DENND4B: variants seen among roughly 807,000 people sequenced by gnomAD.
DENND4B encodes the protein DENN domain containing 4B, also known as DENN domain-containing protein 4B.
A neutral mutation model predicts 161.0 loss-of-function variants in DENND4B; 67 were observed. That is an observed-to-expected ratio of 0.42 (90% CI 0.34 to 0.51). DENND4B has a LOEUF of 0.51. Among genes scored for constraint, DENND4B ranks in the 20% least tolerant of loss-of-function variants. The probability of loss-of-function intolerance (pLI) is 0.08; values close to 1 mark genes in which losing one functional copy is unlikely to be tolerated. For synonymous variants in DENND4B, 753 were observed against 813.8 expected (o/e 0.93, Z 1.27); for missense variants, 1,481 against 1,968.0 (o/e 0.75, Z 4.68).
At position 153,942,203 on chromosome 1, in the gene DENND4B, C is replaced by G. The variant is rs1221267606; in HGVS notation, c.794G>C (p.Gly265Ala). 1 of 1,614,000 alleles carries G rather than the reference C, an allele frequency of 6.2e-7. No individual in the cohort carries two copies. The highest frequency in any genetic ancestry group is 1.7e-5 in the Admixed American group (1 of 60,024). ...VPVFSTFVLT[G>A]AAGDKVYGAA... ...CACACCCACCTTATCACCAGCTGCA[C>G]CCGTGAGCACAAAGGTGGAGAAGAC... The change falls in exon 5 of 28, where the codon GGT (glycine) becomes GCT (alanine). Residue 265 changes from glycine to alanine, a missense_variant. Coordinates refer to ENST00000361217, the MANE Select transcript of DENND4B (RefSeq NM_014856.3). The surrounding 1 kb of genome is among the most constrained non-coding windows in gnomAD (Gnocchi z 6.9).
In DENND4B at chr1:153,933,256, G is replaced by C. The variant is rs778415504; in HGVS notation, c.3394C>G (p.Arg1132Gly). The C allele has an allele frequency of 6.2e-7, 1 of 1,613,126 alleles. No homozygotes were observed. ...TCACTGAGGCGCTCTGAGGAACGGC[G>C]AAGACTCAGGTTGCTGAGAGAAGAT... ...SESSLSNLSL[R>G]RSSERLSDTP... The change falls in exon 21 of 28, where the codon CGC becomes GGC. Residue 1132 changes from arginine (R) to glycine (G), a missense_variant. This residue lies in a region of DENND4B where 336 missense variants were observed against 503.3 expected (regional missense o/e 0.67). Coordinates refer to ENST00000361217, the MANE Select transcript of DENND4B (RefSeq NM_014856.3). The surrounding 1 kb of genome is among the most constrained non-coding windows in gnomAD (Gnocchi z 5.7).
Position 153,934,852 on chromosome 1 carries a change from C to G in DENND4B, c.2681G>C (p.Arg894Pro). The part of the protein sequence containing the change: ...AAQFRQPLRE[R>P]QQQQQQQQQQ... ...CTGTTGCTGCTGCTGCTGCTGTTGC[C>G]GTTCTCTCAAGGGCTGGCGGAACTG... is the stretch of plus-strand genomic sequence containing the variant. Residue 894 changes from arginine to proline, a missense_variant, in exon 18 of 28, where the codon CGG (arginine) becomes CCG (proline). Physicochemically the swap from Arg to Pro is moderately radical, Grantham distance 103. Around this residue, in one of 3 missense-constraint regions of DENND4B, gnomAD observed 339 missense variants for 330.3 expected, o/e 1.03. Transcript: ENST00000361217. This position sits in a 1 kb window ranked among gnomAD's most constrained non-coding sequence, Gnocchi z 5.3. 1.2e-6 allele frequency: 2 copies of G among 1,612,102 alleles called. No homozygotes were observed. Among genetic ancestry groups the G allele is most frequent in the Non-Finnish European group, 1.7e-6 (2 of 1,179,334 alleles).
rs1679358101 is a variant in DENND4B, at chr1:153,936,686, C to T, written c.2295G>A (p.Arg765=). Residue 765 remains arginine, a synonymous_variant, in exon 16 of 28, where the codon CGG becomes CGA. Coordinates refer to ENST00000361217, the MANE Select transcript of DENND4B (RefSeq NM_014856.3). The surrounding 1 kb of genome is among the most constrained non-coding windows in gnomAD (Gnocchi z 4.1). ...KSAAVPELWA[R]CLLGHCYGLW... Reference sequence around the variant, plus strand: ...GCCCATAGCAGTGCCCCAGCAGGCACCGGGCCCACAGCTCAGGCACAGCTG... The same window carrying T: ...GCCCATAGCAGTGCCCCAGCAGGCATCGGGCCCACAGCTCAGGCACAGCTG... 3 of 1,612,424 alleles carry T rather than the reference C, an allele frequency of 1.9e-6. No individual in the cohort carries two copies. The highest frequency in any genetic ancestry group is 2.2e-5 in the East Asian group (1 of 44,872).
chr1:153,930,563 G>GAGC lies in DENND4B; in HGVS notation c.4318_4320dup (p.Ala1440dup). 6.2e-7 allele frequency: 1 copy of GAGC among 1,614,066 alleles called. No individual in the cohort carries two copies. The highest frequency in any genetic ancestry group is 8.5e-7 in the Non-Finnish European group (1 of 1,179,896). On this transcript the variant is annotated inframe_insertion, in exon 27 of 28. Transcript: ENST00000361217. This position sits in a 1 kb window ranked among gnomAD's most constrained non-coding sequence, Gnocchi z 4.7. ...CCTATGTCCACGTGGTCCTTGCCCA[G>GAGC]AGCAGCCATTGTCAGGAATAATATC...
chr1:153,939,066 G>A (rs372332626), intron 12 of DENND4B, 21 bp from the exon 13 acceptor site: 12 of 1,609,528 alleles, frequency 7.5e-6, no homozygotes, highest in East Asian at 2.2e-5. Flanking sequence ...TGAGAATGGG[G>A]CAGAGGAGGG....
chr1:153,942,703 C>A lies in DENND4B; in HGVS notation c.571-78G>T. 1 of 1,489,700 alleles carries A rather than the reference C, an allele frequency of 6.7e-7. No homozygotes were observed. The highest frequency in any genetic ancestry group is 8.9e-7 in the Non-Finnish European group (1 of 1,118,352). The allele number at this position is 1,489,700 out of a possible 1,614,324, so 92.3% of individuals were successfully genotyped here. ...GGGGTCCACTTTCTCTCTACCACCC[C>A]TAAATGTTCTTTTGTCTTTAAAGCT... On this transcript the variant is annotated intron_variant, in intron 3 of 27. Transcript: ENST00000361217. This position sits in a 1 kb window ranked among gnomAD's most constrained non-coding sequence, Gnocchi z 6.9.
chr1:153,943,870 C>A (rs990771005), intron 2 of DENND4B, among the ~76,000 whole-genome samples, 188 bp downstream of exon 2: 5 of 152,226 alleles, frequency 3.3e-5, no homozygotes, highest in African/African-American at 1.2e-4. Flanking sequence ...TAGCAAGGAG[C>A]AGCACTAGCA....
chr1:153,935,773 G>A (rs1223311221), intron 17 of DENND4B: 6 of 350,774 alleles, frequency 1.7e-5, no homozygotes, highest in African/African-American at 6.4e-5. Flanking sequence ...TAGGGCTGTC[G>A]TGAAGATAAA....
In DENND4B at chr1:153,939,036, T is replaced by G. The variant is rs1391773852; in HGVS notation, c.1829A>C (p.Lys610Thr). The stretch of plus-strand genomic sequence containing the variant: ...TTTGTGGCTGGAGCGTTCCCGGGAT[T>G]TGAGGAAGCCTGAGGGGTATGAGAA... ...DNLFFLQGFLKSRERSSHKLY... is the reference protein window; with the variant it reads ...DNLFFLQGFLTSRERSSHKLY... Residue 610 changes from lysine to threonine, a missense_variant, in exon 13 of 28, where the codon AAA (lysine) becomes ACA (threonine). Physicochemically the swap from Lys to Thr is moderately conservative, Grantham distance 78. Transcript: ENST00000361217. 6.2e-7 allele frequency: 1 copy of G among 1,612,000 alleles called. No individual in the cohort carries two copies. The highest frequency in any genetic ancestry group is 1.3e-5 in the African/African-American group (1 of 74,900).
At position 153,930,550 on chromosome 1, in the gene DENND4B, T is replaced by C; in HGVS notation, c.4334A>G (p.His1445Arg). The C allele has an allele frequency of 6.2e-7, 1 of 1,614,052 alleles. No homozygotes were observed. Among genetic ancestry groups the C allele is most frequent in the Non-Finnish European group, 8.5e-7 (1 of 1,179,896 alleles). The part of the protein sequence containing the change: ...FLTMAALGKD[H>R]VDIVAFDKKY... ...GCCTGCAATCTCACCTATGTCCACG[T>C]GGTCCTTGCCCAGAGCAGCCATTGT... Residue 1445 changes from histidine to arginine, a missense_variant, in exon 27 of 28, where the codon CAC becomes CGC. Coordinates refer to ENST00000361217, the MANE Select transcript of DENND4B (RefSeq NM_014856.3). The surrounding 1 kb of genome is among the most constrained non-coding windows in gnomAD (Gnocchi z 4.7).
rs1679184005 is a variant in DENND4B, at chr1:153,934,297, A to AGG, written c.2777_2778dup (p.Tyr927ProfsTer23). 6.3e-7 allele frequency: 1 copy of AGG among 1,585,020 alleles called. No homozygotes were observed. The highest frequency in any genetic ancestry group is 1.4e-5 in the African/African-American group (1 of 73,860). ...CGAGTAGGGGAAGGGCGCTCCAAAT[A>AGG]GGGCTCTGTAAAAGACGAGAAGGGG... On this transcript the variant is annotated frameshift_variant, in exon 19 of 28. Coordinates refer to ENST00000361217, the MANE Select transcript of DENND4B (RefSeq NM_014856.3). LOFTEE classifies it high-confidence loss of function. This position sits in a 1 kb window ranked among gnomAD's most constrained non-coding sequence, Gnocchi z 5.3.
At position 153,939,676 on chromosome 1, in the gene DENND4B, G is replaced by A. The variant is rs1011255914; in HGVS notation, c.1732C>T (p.Leu578Phe). The A allele has an allele frequency of 2.5e-6, 4 of 1,613,856 alleles. No individual in the cohort carries two copies. Among genetic ancestry groups the A allele is most frequent in the South Asian group, 2.2e-5 (2 of 91,088 alleles). ...CGCAGGAAGACCCGGTAGCCCTTGAGCAGACAGGCCATGAAGCGGAGGAAG... is the reference window on the plus strand; with the variant it reads ...CGCAGGAAGACCCGGTAGCCCTTGAACAGACAGGCCATGAAGCGGAGGAAG... ...GAFLRFMACL[L>F]KGYRVFLRPL... Residue 578 changes from leucine to phenylalanine, a missense_variant, in exon 12 of 28, where the codon CTC becomes TTC. By Grantham distance (22) the Leu-to-Phe change is conservative. Coordinates refer to ENST00000361217, the MANE Select transcript of DENND4B (RefSeq NM_014856.3).
Position 153,937,792 on chromosome 1 carries a change from G to C in DENND4B, c.2037C>G (p.Leu679=). Residue 679 remains leucine (L), a synonymous_variant, in exon 14 of 28, where the codon CTC becomes CTG. Transcript: ENST00000361217. This position sits in a 1 kb window ranked among gnomAD's most constrained non-coding sequence, Gnocchi z 4.7. The part of the protein sequence containing the change: ...VELEELSGSE[L]TVFITPPEEP... ...CCTCGGGAGGTGTGATAAAGACAGT[G>C]AGCTCACTTCCTGACAGCTCCTCTA... 1 of 1,614,008 alleles carries C rather than the reference G, an allele frequency of 6.2e-7. No individual in the cohort carries two copies. Among genetic ancestry groups the C allele is most frequent in the Non-Finnish European group, 8.5e-7 (1 of 1,179,898 alleles).
Position 153,932,777 on chromosome 1 carries a change from A to G in DENND4B, c.3624T>C (p.Ser1208=), listed in dbSNP as rs1197680816. Residue 1208 remains serine (S), a splice_region_variant and synonymous_variant, in exon 23 of 28, where the codon AGT becomes AGC. Transcript: ENST00000361217. The surrounding 1 kb of genome is among the most constrained non-coding windows in gnomAD (Gnocchi z 5.8). ...CACCAGCAGATTTGGGGCTGGGGACACTGCAGGGGGATAGCAGCAGGGGTC... is the reference window on the plus strand; with the variant it reads ...CACCAGCAGATTTGGGGCTGGGGACGCTGCAGGGGGATAGCAGCAGGGGTC... ...LSVQTLDSRP[S]VPSPKSAGAS... The G allele has an allele frequency of 1.2e-6, 2 of 1,613,862 alleles. No individual in the cohort carries two copies. The highest frequency in any genetic ancestry group is 1.7e-6 in the Non-Finnish European group (2 of 1,179,876).
Sources: allele counts gnomAD v4.1 joint callset (sites outside exome capture counted in the v4.1 genomes callset), GRCh38; gene constraint gnomAD v4.1.1; regional missense constraint gnomAD v4.1.1; non-coding constraint Gnocchi (gnomAD v3.1); transcripts MANE v1.5; gene names NCBI Gene and HGNC (gene_info 2026-07-23, HGNC 2026-07-21).